The following PTPN5 variants were observed in gnomAD, a reference collection of about 807,000 sequenced individuals.
The protein encoded by PTPN5 is protein tyrosine phosphatase non-receptor type 5, also known as tyrosine-protein phosphatase non-receptor type 5.
A neutral mutation model predicts 73.9 loss-of-function variants in PTPN5; 29 were observed. That is an observed-to-expected ratio of 0.39 (90% CI 0.29 to 0.54). The LOEUF (loss-of-function observed/expected upper bound fraction) is 0.54, where lower values mean the gene tolerates loss of function less well. Ranked by LOEUF, PTPN5 falls within the 20% of genes least tolerant of loss-of-function variation. PTPN5 has a pLI of 0.65. For missense variants in PTPN5, 652 were observed against 751.4 expected (o/e 0.87, Z 1.55); for synonymous variants, 267 against 304.7 (o/e 0.88, Z 1.29).
At chr11:18,760,713 G>C (rs1158108725) in intron 3 of PTPN5, among the ~76,000 whole-genome samples, 1 of 152,242 alleles carries the variant, frequency 6.6e-6, no homozygotes, top group African/African-American at 2.4e-5. Context: ...GAAGGCTCCA[G>C]GAGTACTTTG....
intron 1 of PTPN5, among the ~76,000 whole-genome samples, chr11:18,773,261 C>T (rs1850992499): frequency 7.0e-6 from 1 of 143,516 alleles, no homozygotes; most frequent in African/African-American, 2.6e-5. Context: ...GCTATCCTTC[C>T]AGTCTTTGTT....
chr11:18,751,331 G>A (rs1475552643), intron 3 of PTPN5, among the ~76,000 whole-genome samples: 1 of 152,202 alleles, frequency 6.6e-6, no homozygotes, highest in Non-Finnish European at 1.5e-5. Context: ...TCTTCACTAA[G>A]ATTATCTCCT....
intron 1 of PTPN5, among the ~76,000 whole-genome samples, chr11:18,776,550 C>T (rs1851166551): frequency 6.6e-6 from 1 of 152,074 alleles, no homozygotes; most frequent in Non-Finnish European, 1.5e-5. Context: ...GGATGTCGTG[C>T]CAAGCACTGC....
chr11:18,763,903 G>A (rs773435626), intron 3 of PTPN5, among the ~76,000 whole-genome samples: 8 of 152,282 alleles, frequency 5.3e-5, no homozygotes, highest in East Asian at 1.9e-4. Flanking sequence ...CAGAACAGGC[G>A]GACTCAAACG....
rs1363098529 is a variant in PTPN5, at chr11:18,744,077, G to A, written c.220C>T (p.Pro74Ser). ...PPSDPAQKPP[P>S]RGAGSHSLTV... ...AGGGAGTGGCTCCCAGCGCCTCGAGGTGGTGGCTTCTGAGCTGGATCTGAG... is the reference window on the plus strand; with the variant it reads ...AGGGAGTGGCTCCCAGCGCCTCGAGATGGTGGCTTCTGAGCTGGATCTGAG... Residue 74 changes from proline (P) to serine (S), a missense_variant, in exon 4 of 15, where the codon CCT (proline) becomes TCT (serine). This residue lies in a region of PTPN5 where 529 missense variants were observed against 573.9 expected (regional missense o/e 0.92). Transcript: ENST00000358540. 6.2e-7 allele frequency: 1 copy of A among 1,610,554 alleles called. No individual in the cohort carries two copies. Among genetic ancestry groups the A allele is most frequent in the South Asian group, 1.1e-5 (1 of 90,482 alleles).
intron 7 of PTPN5, among the ~76,000 whole-genome samples, chr11:18,741,592 A>T (rs1042978035): frequency 6.6e-6 from 1 of 152,132 alleles, no homozygotes; most frequent in Non-Finnish European, 1.5e-5. Context: ...AGACTCTGAA[A>T]CGAGGGTGTC....
upstream of PTPN5, chr11:18,792,186 C>G (rs1564942374): frequency 6.6e-6 from 1 of 152,284 alleles, no homozygotes; most frequent in African/African-American, 2.4e-5. Context: ...CGCGCTGAAC[C>G]TGGGACGGGA....
intron 3 of PTPN5, among the ~76,000 whole-genome samples, chr11:18,758,311 T>C (rs1048046875): frequency 1.3e-5 from 2 of 152,178 alleles, no homozygotes; most frequent in Non-Finnish European, 2.9e-5. Context: ...CTGAAGCTTC[T>C]TTTTTGCCCC....
chr11:18,781,937 C>T (rs972442506), intron 1 of PTPN5, among the ~76,000 whole-genome samples: 1 of 152,160 alleles, frequency 6.6e-6, no homozygotes, highest in African/African-American at 2.4e-5. Context: ...ACAGGGAGGA[C>T]ATTCCAGGCA....
chr11:18,776,192 G>A (rs941004725), intron 1 of PTPN5, among the ~76,000 whole-genome samples: 1 of 152,164 alleles, frequency 6.6e-6, no homozygotes, highest in Non-Finnish European at 1.5e-5. Flanking sequence ...GCAAAGGTGT[G>A]ATCACACTTC....
chr11:18,784,702 C>G (rs1851590767), intron 1 of PTPN5, among the ~76,000 whole-genome samples: 1 of 152,086 alleles, frequency 6.6e-6, no homozygotes, highest in Admixed American at 6.5e-5. Flanking sequence ...ACCAAACAAA[C>G]AAAACACTGG....
At chr11:18,764,317 A>G (rs112484266) in intron 3 of PTPN5, among the ~76,000 whole-genome samples, 2 of 152,206 alleles carry the variant, frequency 1.3e-5, no homozygotes, top group African/African-American at 4.8e-5. Context: ...CACAGAATAG[A>G]TCTGCTGCCC....
chr11:18,781,987 CA>C (rs1851453149), intron 1 of PTPN5, among the ~76,000 whole-genome samples: 1 of 152,318 alleles, frequency 6.6e-6, no homozygotes, highest in South Asian at 2.1e-4. Context: ...GGTGAAAGCA[CA>C]AGGTATGCCA....
chr11:18,791,425 C>G (rs1287082674), intron 1 of PTPN5, 100 bp downstream of exon 1: 4 of 152,196 alleles, frequency 2.6e-5, no homozygotes, highest in Non-Finnish European at 5.9e-5. Flanking sequence ...GCCGGGAGGG[C>G]TGGAGAAGGT....
intron 3 of PTPN5, among the ~76,000 whole-genome samples, chr11:18,755,156 A>G (rs535281259): frequency 4.6e-4 from 70 of 152,266 alleles, no homozygotes; most frequent in Non-Finnish European, 7.6e-4. Context: ...CAGCTCGTGG[A>G]GTGGCTTGTG....
At chr11:18,781,038 C>T (rs1386486854) in intron 1 of PTPN5, among the ~76,000 whole-genome samples, 6 of 152,202 alleles carry the variant, frequency 3.9e-5, no homozygotes, top group African/African-American at 1.4e-4. Flanking sequence ...GGCTCTCACA[C>T]TCTGATTATG....
Position 18,763,813 on chromosome 11 carries a change from T to C in PTPN5, c.97+1994A>G, listed in dbSNP as rs866202391. Among the ~76,000 whole-genome samples the C allele has an allele frequency of 3.9e-5, 6 of 152,344 alleles. No individual in the cohort carries two copies. In the Middle Eastern group the frequency reaches 0.017, roughly 432 times the overall value. On this transcript the variant is annotated intron_variant, in intron 3 of 14. Transcript: ENST00000358540. ...CACTTGTGAGGATAAATATTCATAT[T>C]GCTATTGTTTCTGCTCACAGATGAG...
At chr11:18,765,204 T>G (rs1564917808) in intron 3 of PTPN5, among the ~76,000 whole-genome samples, 2 of 152,156 alleles carry the variant, frequency 1.3e-5, no homozygotes, top group Non-Finnish European at 2.9e-5. Flanking sequence ...CCCCACCCCT[T>G]CTTTTTCTTC....
At chr11:18,782,565 T>C (rs1479567703) in intron 1 of PTPN5, among the ~76,000 whole-genome samples, 1 of 152,216 alleles carries the variant, frequency 6.6e-6, no homozygotes, top group Non-Finnish European at 1.5e-5. Context: ...GAGCATGTAC[T>C]ATATGATTCC....
Sources: allele counts gnomAD v4.1 joint callset (sites outside exome capture counted in the v4.1 genomes callset), GRCh38; gene constraint gnomAD v4.1.1; regional missense constraint gnomAD v4.1.1; transcripts MANE v1.5; gene names NCBI Gene and HGNC (gene_info 2026-07-23, HGNC 2026-07-21).